The following SMYD3 variants were observed in gnomAD, a reference collection of about 807,000 sequenced individuals.
The protein encoded by SMYD3 is SET and MYND domain containing 3.
A neutral mutation model predicts 57.7 loss-of-function variants in SMYD3; 36 were observed. The observed-to-expected ratio is 0.62, with a 90% CI of 0.48 to 0.82. SMYD3 has a LOEUF of 0.82. Among genes scored for constraint, SMYD3 ranks in the 40% least tolerant of loss-of-function variants. The pLI, the probability that SMYD3 is intolerant of heterozygous loss-of-function variation, is 0.00. For missense variants in SMYD3, 515 were observed against 538.8 expected (o/e 0.96, Z 0.44); for synonymous variants, 211 against 195.0 (o/e 1.08, Z -0.68).
chr1:245,793,054 T>C (rs1237523016), intron 10 of SMYD3, among the ~76,000 whole-genome samples: 9 of 138,320 alleles, frequency 6.5e-5, no homozygotes, highest in African/African-American at 1.7e-4. Flanking sequence ...CTCATGCCTG[T>C]AATCCCAGCA....
At chr1:246,195,735 C>A (rs1288050870) in intron 5 of SMYD3, among the ~76,000 whole-genome samples, 1 of 152,180 alleles carries the variant, frequency 6.6e-6, no homozygotes, top group Non-Finnish European at 1.5e-5. Flanking sequence ...AGTCATGACC[C>A]TGCAGGTCAC....
At chr1:245,913,059 A>T (rs2055118262) in intron 8 of SMYD3, among the ~76,000 whole-genome samples, 1 of 152,190 alleles carries the variant, frequency 6.6e-6, no homozygotes, top group Non-Finnish European at 1.5e-5. Context: ...AGACACATGC[A>T]CACGTATGTT....
chr1:246,165,097 C>T (rs1301417164), intron 5 of SMYD3, among the ~76,000 whole-genome samples: 2 of 152,098 alleles, frequency 1.3e-5, no homozygotes, highest in Non-Finnish European at 2.9e-5. Flanking sequence ...AAAGCGTTCC[C>T]GAAAGGGAGC....
chr1:246,020,042 T>C (rs191500151), intron 5 of SMYD3, among the ~76,000 whole-genome samples: 40 of 152,332 alleles, frequency 2.6e-4, no homozygotes, highest in African/African-American at 8.4e-4. Context: ...TCACAAGTAT[T>C]CAATTCTCAG....
At chr1:246,495,656 T>A (rs1160034326) in intron 1 of SMYD3, among the ~76,000 whole-genome samples, 1 of 151,942 alleles carries the variant, frequency 6.6e-6, no homozygotes, top group Non-Finnish European at 1.5e-5. Flanking sequence ...AATATACACT[T>A]TTTGGCCATG....
chr1:245,917,165 G>A (rs2055494005), intron 7 of SMYD3, among the ~76,000 whole-genome samples: 1 of 152,078 alleles, frequency 6.6e-6, no homozygotes, highest in South Asian at 2.1e-4. Context: ...CCAGGTAGCT[G>A]GGGCTACAGG....
intron 5 of SMYD3, among the ~76,000 whole-genome samples, chr1:246,282,674 G>C (rs2064478836): frequency 6.6e-6 from 1 of 151,532 alleles, no homozygotes; most frequent in South Asian, 2.1e-4. Flanking sequence ...TTCTTTGTTT[G>C]GATACAAAAA....
intron 5 of SMYD3, among the ~76,000 whole-genome samples, chr1:246,301,754 C>T (rs1009128712): frequency 1.5e-4 from 23 of 152,126 alleles, no homozygotes; most frequent in African/African-American, 5.6e-4. Flanking sequence ...TATTCCCATC[C>T]TCTTGCACAA....
intron 5 of SMYD3, among the ~76,000 whole-genome samples, chr1:246,075,883 T>C (rs1572984210): frequency 1.9e-5 from 2 of 103,014 alleles, no homozygotes; most frequent in Admixed American, 1.6e-4. Flanking sequence ...GAAAATTTAA[T>C]TATCTGTTTT....
At chr1:246,415,767 T>C (rs1456123497) in intron 1 of SMYD3, among the ~76,000 whole-genome samples, 1 of 152,150 alleles carries the variant, frequency 6.6e-6, no homozygotes, top group Non-Finnish European at 1.5e-5. Flanking sequence ...AGATTTCATT[T>C]AGAGAAAAAA....
intron 5 of SMYD3, among the ~76,000 whole-genome samples, chr1:246,133,885 A>T (rs1184693379): frequency 6.6e-6 from 1 of 152,168 alleles, no homozygotes; most frequent in African/African-American, 2.4e-5. Flanking sequence ...AATTAAAATT[A>T]TACCCTAACA....
chr1:245,978,170 G>C (rs570132049), intron 5 of SMYD3, among the ~76,000 whole-genome samples: 2 of 152,266 alleles, frequency 1.3e-5, no homozygotes, highest in South Asian at 2.1e-4. Flanking sequence ...GAGACATTTG[G>C]TTCCTCTCTA....
At chr1:245,859,672 A>G (rs1558430645) in intron 9 of SMYD3, among the ~76,000 whole-genome samples, 1 of 152,210 alleles carries the variant, frequency 6.6e-6, no homozygotes, top group African/African-American at 2.4e-5. Context: ...AGGAGGGTGC[A>G]GGACTGGGAC....
rs1429337492 is a variant in SMYD3 at position 245,927,935 on chromosome 1, T to C, written c.698A>G (p.Glu233Gly). 6.2e-7 allele frequency: 1 copy of C among 1,610,144 alleles called. No individual in the cohort carries two copies. Among genetic ancestry groups the C allele is most frequent in the African/African-American group, 1.3e-5 (1 of 74,716 alleles). The change falls in exon 7 of 12, where the codon GAG becomes GGG. Residue 233 changes from glutamate (E) to glycine (G), a missense_variant. Transcript: ENST00000490107. ...GGGAAGCATGAGTTTCCTTACCTCCTCTCCCACCTCGATGTCTCGGACTGC... is the reference window on the plus strand; with the variant it reads ...GGGAAGCATGAGTTTCCTTACCTCCCCTCCCACCTCGATGTCTCGGACTGC... ...LRAVRDIEVG[E>G]ELTICYLDML...
chr1:246,320,869 A>G (rs1408575757), intron 5 of SMYD3, among the ~76,000 whole-genome samples: 1 of 152,250 alleles, frequency 6.6e-6, no homozygotes. Context: ...AATACATTCC[A>G]TGGCGTTTCA....
intron 5 of SMYD3, chr1:246,322,286 G>C (rs1004084636): frequency 6.6e-6 from 1 of 152,252 alleles, no homozygotes; most frequent in Non-Finnish European, 1.5e-5. Flanking sequence ...GACTCAACTT[G>C]AAAGCCAGGA....
At chr1:246,357,850 T>C (rs570611940) in intron 1 of SMYD3, among the ~76,000 whole-genome samples, 2 of 152,146 alleles carry the variant, frequency 1.3e-5, no homozygotes, top group East Asian at 1.9e-4. Context: ...TACACCAAAA[T>C]AGAACCTCCT....
At chr1:245,877,585 G>A (rs569389194) in intron 8 of SMYD3, among the ~76,000 whole-genome samples, 79 of 152,328 alleles carry the variant, frequency 5.2e-4, no homozygotes, top group Non-Finnish European at 7.1e-4. Flanking sequence ...GAGGAAGAGA[G>A]AGACTGAAGA....
At chr1:246,175,104 T>C (rs2062410757) in intron 5 of SMYD3, among the ~76,000 whole-genome samples, 1 of 152,176 alleles carries the variant, frequency 6.6e-6, no homozygotes, top group African/African-American at 2.4e-5. Context: ...AAAAACTAAG[T>C]ATAGCTCAAG....
Sources: allele counts gnomAD v4.1 joint callset (sites outside exome capture counted in the v4.1 genomes callset), GRCh38; gene constraint gnomAD v4.1.1; transcripts MANE v1.5; gene names NCBI Gene and HGNC (gene_info 2026-07-23, HGNC 2026-07-21).